The following EXOSC1 variants were observed in gnomAD, a reference collection of about 807,000 sequenced individuals.
EXOSC1 encodes exosome complex component CSL4.
EXOSC1 carries 27 observed loss-of-function variants against 31.4 expected under a neutral mutation model. That is an observed-to-expected ratio of 0.86 (90% confidence interval 0.63 to 1.18). EXOSC1 has a LOEUF of 1.18. Ranked by LOEUF, EXOSC1 falls within the 50% of genes most tolerant of loss-of-function variation. The pLI is 0.00. For missense variants in EXOSC1, 228 were observed against 250.3 expected, an observed-to-expected ratio of 0.91 and a Z score of 0.60; for synonymous variants, 84 against 89.5, an observed-to-expected ratio of 0.94 and a Z score of 0.35.
At chr10:97,436,836 C>T (rs1197508327) in intron 7 of EXOSC1, among the ~76,000 whole-genome samples, 1 of 152,130 alleles carries the variant, frequency 6.6e-6, no homozygotes, top group African/African-American at 2.4e-5. Context: ...CCAGCCTGGC[C>T]AACATGGCGA....
At chr10:97,441,863 T>G (rs1589466254) in intron 3 of EXOSC1, among the ~76,000 whole-genome samples, 1 of 132,380 alleles carries the variant, frequency 7.6e-6, no homozygotes, top group Admixed American at 8.1e-5. Context: ...AAAGTATAGA[T>G]GGCTAACAAT....
At chr10:97,438,563 C>G in intron 5 of EXOSC1, 107 bp downstream of exon 5, 3 of 1,060,518 alleles carry the variant, frequency 2.8e-6, no homozygotes, top group Non-Finnish European at 4.2e-6. Context: ...CCTCAGCCTC[C>G]CAAAGTACTG....
chr10:97,443,377 T>C, intron 2 of EXOSC1, 66 bp from the exon 3 acceptor site: 1 of 1,386,968 alleles, frequency 7.2e-7, no homozygotes, highest in Middle Eastern at 1.8e-4. Flanking sequence ...ATTTGTGGCT[T>C]GAGAGTAATA....
chr10:97,437,504 C>T (rs750550144), intron 6 of EXOSC1, among the ~76,000 whole-genome samples, 196 bp downstream of exon 6: 5 of 152,162 alleles, frequency 3.3e-5, no homozygotes, highest in Admixed American at 2.6e-4. Flanking sequence ...TGTGCCACCA[C>T]GCCCAGCTAA....
At chr10:97,436,582 G>A in intron 7 of EXOSC1, 31 bp from the exon 8 acceptor site, 1 of 1,554,892 alleles carries the variant, frequency 6.4e-7, no homozygotes, top group Non-Finnish European at 8.6e-7. Context: ...GTGGAGCCCA[G>A]ACCCCAAAGA....
rs143980729 is a variant in EXOSC1 at position 97,437,251 on chromosome 10, T to A, written c.421A>T (p.Asn141Tyr). The change falls in exon 7 of 8, where the codon AAC becomes TAC. Residue 141 changes from asparagine (N) to tyrosine (Y), a missense_variant. Transcript: ENST00000370902. Reference protein sequence around the residue: ...KVISLGDAQSNYLLTTAENEL... With the variant: ...KVISLGDAQSYYLLTTAENEL... ...TTCTCGGCGGTGGTTAGCAGGTAGTTGGACTGTGCATCACCTAAGGAGATC... is the reference window on the plus strand; with the variant it reads ...TTCTCGGCGGTGGTTAGCAGGTAGTAGGACTGTGCATCACCTAAGGAGATC... The A allele has an allele frequency of 8.2e-5, 132 of 1,613,974 alleles. 1 individual carries two copies. Among genetic ancestry groups the A allele is most frequent in the Non-Finnish European group, 1.1e-4 (125 of 1,179,974 alleles).
At chr10:97,443,472 T>C (rs566810692) in intron 2 of EXOSC1, among the ~76,000 whole-genome samples, 161 bp from the exon 3 acceptor site, 42 of 152,290 alleles carry the variant, frequency 2.8e-4, no homozygotes, top group Middle Eastern at 3.4e-3. Flanking sequence ...TTTTAGGAAA[T>C]AGGAGGACCA....
intron 2 of EXOSC1, chr10:97,444,571 G>A (rs921772027): frequency 6.6e-6 from 1 of 152,190 alleles, no homozygotes; most frequent in Non-Finnish European, 1.5e-5. Flanking sequence ...GCTCATTTGA[G>A]CATTTATTTG....
At chr10:97,440,373 G>A (rs1271841677) in intron 4 of EXOSC1, among the ~76,000 whole-genome samples, 2 of 151,940 alleles carry the variant, frequency 1.3e-5, no homozygotes, top group African/African-American at 4.8e-5. Flanking sequence ...TTTTGAGACA[G>A]GGTCTCACTC....
chr10:97,436,695 A>C, intron 7 of EXOSC1, 144 bp from the exon 8 acceptor site: 1 of 661,444 alleles, frequency 1.5e-6, no homozygotes, highest in African/African-American at 1.9e-5. Flanking sequence ...CATTCTACTG[A>C]CTTATGAAGT....
intron 5 of EXOSC1, 64 bp from the exon 6 acceptor site, chr10:97,437,814 C>T (rs773549952): frequency 2.7e-5 from 37 of 1,364,244 alleles, no homozygotes; most frequent in South Asian, 8.2e-5. Flanking sequence ...AAACTGTGAA[C>T]GCTTCTGGTA....
chr10:97,441,525 T>C (rs528957117), intron 3 of EXOSC1, among the ~76,000 whole-genome samples: 2 of 148,768 alleles, frequency 1.3e-5, no homozygotes, highest in South Asian at 4.3e-4. Context: ...AGTTTCACTC[T>C]TGTTGCCCAG....
Position 97,441,564 on chromosome 10 carries a change from C to T in EXOSC1, c.223-305G>A, listed in dbSNP as rs1200404324. Among the ~76,000 whole-genome samples, 7 of 147,486 alleles carry T rather than the reference C, an allele frequency of 4.7e-5. No individual in the cohort carries two copies. In the Admixed American group the frequency reaches 4.8e-4, roughly 10 times the overall value. ...GGAGTGCAATGGCGCGATCTTGGCT[C>T]ACCGCAACCTCCGCCTCCTGGGTTC... is the stretch of plus-strand genomic sequence containing the variant. On this transcript the variant is annotated intron_variant, in intron 3 of 7. Coordinates refer to ENST00000370902, the MANE Select transcript of EXOSC1 (RefSeq NM_016046.5).
intron 2 of EXOSC1, chr10:97,445,470 C>CTGGGA: frequency 1.8e-6 from 1 of 544,978 alleles, no homozygotes; most frequent in Non-Finnish European, 3.3e-6. Flanking sequence ...CTGAGCTGGG[C>CTGGGA]TGGGATGGGA....
At chr10:97,437,807 C>T in intron 5 of EXOSC1, 57 bp from the exon 6 acceptor site, 2 of 1,407,680 alleles carry the variant, frequency 1.4e-6, no homozygotes, top group Non-Finnish European at 2.0e-6. Context: ...CTATATGAAA[C>T]TGTGAACGCT....
intron 3 of EXOSC1, among the ~76,000 whole-genome samples, chr10:97,441,798 T>G (rs1845725185): frequency 6.6e-6 from 1 of 150,468 alleles, no homozygotes; most frequent in South Asian, 2.1e-4. Context: ...CTGGGTTTTT[T>G]TTTTTTTTTT....
intron 6 of EXOSC1, 148 bp downstream of exon 6, chr10:97,437,552 T>C (rs1845579579): frequency 1.4e-6 from 1 of 722,936 alleles, no homozygotes; most frequent in Non-Finnish European, 2.4e-6. Flanking sequence ...TTCACCATGT[T>C]GTCCAGGCTG....
rs141955469 is a variant in EXOSC1, at chr10:97,439,705, C to A, written c.312-1002G>T. 7.2e-4 allele frequency among the ~76,000 whole-genome samples: 109 copies of A among 152,290 alleles called. 1 individual carries two copies. The highest frequency in any genetic ancestry group is 1.0e-3 in the Non-Finnish European group (68 of 68,030). Reference sequence around the variant, plus strand: ...CACTTGAATCATTCTGCAACCACCCCCTCCATGGTCTGTGGAAAAACTGTC... The same window carrying A: ...CACTTGAATCATTCTGCAACCACCCACTCCATGGTCTGTGGAAAAACTGTC... On this transcript the variant is annotated intron_variant, in intron 4 of 7. Coordinates refer to ENST00000370902, the MANE Select transcript of EXOSC1 (RefSeq NM_016046.5).
rs926381034 is a variant in EXOSC1 at position 97,436,271 on chromosome 10, G to C, written c.*174C>G. 1 of 555,122 alleles carries C rather than the reference G, an allele frequency of 1.8e-6. No individual in the cohort carries two copies. The highest frequency in any genetic ancestry group is 2.0e-5 in the African/African-American group (1 of 50,320). 34.4% of individuals were successfully genotyped at this position (555,122 alleles called of 1,614,324 possible). On this transcript the variant is annotated 3_prime_UTR_variant, in exon 8 of 8. Transcript: ENST00000370902. ...TGAAAAGATAAGATTTATTACTCAA[G>C]AGAATGAAATCCACTGATAGGTTCA...
Sources: gnomAD v4.1 joint callset for allele counts (sites outside exome capture counted in the v4.1 genomes callset) on GRCh38, gnomAD v4.1.1 for gene constraint, MANE v1.5 for transcripts, NCBI Gene and HGNC (gene_info 2026-07-23, HGNC 2026-07-21) for gene names.